The following MTBP variants were observed in gnomAD, a reference collection of about 807,000 sequenced individuals.
MTBP encodes the protein MDM2 binding protein.
MTBP carries 101 observed loss-of-function variants against 117.0 expected under a neutral mutation model. The observed-to-expected ratio is 0.86, with a 90% confidence interval of 0.73 to 1.02. MTBP has a LOEUF of 1.02. Among genes scored for constraint, MTBP ranks in the 50% least tolerant of loss-of-function variants. The pLI, the probability that MTBP is intolerant of heterozygous loss-of-function variation, is 0.00. For missense variants in MTBP, 970 were observed against 1,030.9 expected, an observed-to-expected ratio of 0.94 and a Z score of 0.81; for synonymous variants, 350 against 351.5, an observed-to-expected ratio of 1.00 and a Z score of 0.05.
At chr8:120,455,702 T>C in intron 6 of MTBP, 123 bp downstream of exon 6, 1 of 899,794 alleles carries the variant, frequency 1.1e-6, no homozygotes, top group Non-Finnish European at 1.7e-6. Flanking sequence ...AAATTCTATG[T>C]TATACCATGA....
intron 11 of MTBP, among the ~76,000 whole-genome samples, chr8:120,485,873 C>T (rs977635606): frequency 6.6e-6 from 1 of 152,120 alleles, no homozygotes; most frequent in East Asian, 1.9e-4. Flanking sequence ...GAGGGTGCGG[C>T]CTTCAGTGTG....
intron 13 of MTBP, 76 bp from the exon 14 acceptor site, chr8:120,497,317 A>T (rs553925116): frequency 3.0e-6 from 4 of 1,321,968 alleles, no homozygotes; most frequent in Non-Finnish European, 4.1e-6. Context: ...TACTTCTGAA[A>T]ATATTTTCCA....
At chr8:120,476,595 A>T (rs138990349) in intron 11 of MTBP, among the ~76,000 whole-genome samples, 9,244 of 152,230 alleles carry the variant, frequency 0.061, 401 homozygotes, top group Middle Eastern at 0.12. Context: ...AATTACAAAC[A>T]TTCCTATACA....
intron 20 of MTBP, among the ~76,000 whole-genome samples, chr8:120,522,341 A>G (rs920710626): frequency 2.3e-4 from 35 of 149,542 alleles, no homozygotes; most frequent in African/African-American, 7.4e-4. Flanking sequence ...AGGATGGGAG[A>G]GTAATGCAGC....
At position 120,467,220 on chromosome 8, in the gene MTBP, C is replaced by G. The variant is rs1813717854; in HGVS notation, c.1047+3459C>G. ...GTTATGATGTTCACTAATCTTCTGGCTGGGAAATATTTCTTCAGAGAGAGG... is the reference window on the plus strand; with the variant it reads ...GTTATGATGTTCACTAATCTTCTGGGTGGGAAATATTTCTTCAGAGAGAGG... On this transcript the variant is annotated intron_variant, in intron 10 of 21. Transcript: ENST00000305949. 3.9e-5 allele frequency among the ~76,000 whole-genome samples: 6 copies of G among 152,280 alleles called. No individual in the cohort carries two copies. The South Asian group carries it at 1.2e-3, about 32-fold the overall frequency.
At chr8:120,483,894 A>G (rs1814152899) in intron 11 of MTBP, among the ~76,000 whole-genome samples, 1 of 152,072 alleles carries the variant, frequency 6.6e-6, no homozygotes, top group Non-Finnish European at 1.5e-5. Flanking sequence ...AAGAGTGATG[A>G]GGCTGGAATA....
intron 16 of MTBP, among the ~76,000 whole-genome samples, chr8:120,509,640 C>T (rs557349793): frequency 1.6e-4 from 25 of 152,090 alleles, no homozygotes; most frequent in Non-Finnish European, 3.5e-4. Context: ...AATACTGCCT[C>T]TTGAATTTCC....
Position 120,517,902 on chromosome 8 carries a change from T to C in MTBP, c.2298T>C (p.Asn766=). 1 of 1,611,262 alleles carries C rather than the reference T, an allele frequency of 6.2e-7. No individual in the cohort carries two copies. The highest frequency in any genetic ancestry group is 8.5e-7 in the Non-Finnish European group (1 of 1,177,818). Residue 766 remains asparagine (N), a synonymous_variant, in exon 19 of 22, where the codon AAT becomes AAC. Transcript: ENST00000305949. ...SESLLSQTTG[N]SNHYHHHVTS... ...CTCTTCTTTCTCAGACAACTGGTAA[T>C]AGTAATCACTATCATCATCATGTGA... is the stretch of plus-strand genomic sequence containing the variant.
At chr8:120,462,751 C>T (rs1035742942) in intron 9 of MTBP, among the ~76,000 whole-genome samples, 1 of 152,008 alleles carries the variant, frequency 6.6e-6, no homozygotes, top group Non-Finnish European at 1.5e-5. Flanking sequence ...CAAGGAAAGT[C>T]GAGGACTGAG....
intron 4 of MTBP, chr8:120,452,398 A>G (rs374003454): frequency 1.3e-5 from 2 of 152,188 alleles, no homozygotes; most frequent in Non-Finnish European, 2.9e-5. Flanking sequence ...TATTTACACA[A>G]TCTTAGGCCA....
chr8:120,507,587 T>C (rs541194736), intron 16 of MTBP, among the ~76,000 whole-genome samples: 2 of 146,402 alleles, frequency 1.4e-5, no homozygotes, highest in Admixed American at 7.1e-5. Context: ...ATCACTTTTA[T>C]AAGCTTAATC....
chr8:120,490,394 A>T, intron 12 of MTBP, 69 bp from the exon 13 acceptor site: 10 of 928,034 alleles, frequency 1.1e-5, no homozygotes, highest in Non-Finnish European at 1.7e-5. Context: ...CACATTTCCC[A>T]GGAACTGAGT....
Position 120,488,267 on chromosome 8 carries a change from A to G in MTBP, c.1274A>G (p.Asn425Ser), listed in dbSNP as rs1814261377. 3.2e-6 allele frequency: 5 copies of G among 1,586,772 alleles called. No individual in the cohort carries two copies. Among genetic ancestry groups the G allele is most frequent in the Non-Finnish European group, 4.3e-6 (5 of 1,170,404 alleles). Reference protein sequence around the residue: ...ATLIHSANQINGSFALNLIHG... With the variant: ...ATLIHSANQISGSFALNLIHG... ...TTGATTCACTCAGCCAACCAGATCAATGGCTCATTTGCACTCAATTTAATT... is the reference window on the plus strand; with the variant it reads ...TTGATTCACTCAGCCAACCAGATCAGTGGCTCATTTGCACTCAATTTAATT... The change falls in exon 12 of 22, where the codon AAT (asparagine) becomes AGT (serine). Residue 425 changes from asparagine to serine, a missense_variant. Transcript: ENST00000305949.
chr8:120,488,983 G>T (rs1181948225), intron 12 of MTBP, among the ~76,000 whole-genome samples: 1 of 151,416 alleles, frequency 6.6e-6, no homozygotes, highest in Admixed American at 6.6e-5. Flanking sequence ...CTTCACAGGC[G>T]CTTTCCTCAC....
chr8:120,455,660 G>A (rs1432090403), intron 6 of MTBP, 81 bp downstream of exon 6: 5 of 1,368,448 alleles, frequency 3.7e-6, no homozygotes, highest in Middle Eastern at 1.9e-4. Context: ...TTCAGACTCA[G>A]CGTTTGAAAA....
At position 120,497,452 on chromosome 8, in the gene MTBP, T is replaced by A; in HGVS notation, c.1507T>A (p.Leu503Ile). 6.2e-7 allele frequency: 1 copy of A among 1,609,182 alleles called. No homozygotes were observed. ...TTCTGTTGCTGAACTCAAAAGTCTGTTAGTACTCACAAGGAAACACTTTTT... is the reference window on the plus strand; with the variant it reads ...TTCTGTTGCTGAACTCAAAAGTCTGATAGTACTCACAAGGAAACACTTTTT... The part of the protein sequence containing the change: ...TVSVAELKSL[L>I]VLTRKHFLDY... The change falls in exon 14 of 22, where the codon TTA (leucine) becomes ATA (isoleucine). Residue 503 changes from leucine (L) to isoleucine (I), a missense_variant. By Grantham distance (5) the Leu-to-Ile change is conservative. Coordinates refer to ENST00000305949, the MANE Select transcript of MTBP (RefSeq NM_022045.5).
intron 11 of MTBP, among the ~76,000 whole-genome samples, chr8:120,485,371 T>G (rs1814191695): frequency 6.6e-6 from 1 of 152,238 alleles, no homozygotes; most frequent in Admixed American, 6.5e-5. Flanking sequence ...ACATATTTGT[T>G]AATTCCCCAA....
At chr8:120,447,926 A>ATTTTTTTTTTTTTTTTTTT (rs59081966) in intron 2 of MTBP, among the ~76,000 whole-genome samples, 1 of 149,628 alleles carries the variant, frequency 6.7e-6, no homozygotes, top group Non-Finnish European at 1.5e-5. Context: ...TTATTCTTCG[A>ATTTTTTTTTTTTTTTTTTT]TTTTTTTTTT....
At chr8:120,466,013 T>C (rs1384408422) in intron 10 of MTBP, among the ~76,000 whole-genome samples, 1 of 152,136 alleles carries the variant, frequency 6.6e-6, no homozygotes, top group African/African-American at 2.4e-5. Context: ...AGATTATCAT[T>C]TTTTCTTCTC....
Sources: allele counts gnomAD v4.1 joint callset (sites outside exome capture counted in the v4.1 genomes callset), GRCh38; gene constraint gnomAD v4.1.1; transcripts MANE v1.5; gene names NCBI Gene and HGNC (gene_info 2026-07-23, HGNC 2026-07-21).